Variants in ABCG2 observed in about 807,000 individuals in gnomAD.
The protein encoded by ABCG2 is broad substrate specificity ATP-binding cassette transporter ABCG2.
A neutral mutation model predicts 73.5 loss-of-function variants in ABCG2; 80 were observed. The ratio of observed to expected loss-of-function variants is 1.09; its 90% CI spans 0.91 to 1.31. The LOEUF is 1.31. Among genes scored for constraint, ABCG2 ranks in the 50% most tolerant of loss-of-function variants. The pLI, the probability that ABCG2 is intolerant of heterozygous loss-of-function variation, is 0.00. For missense variants in ABCG2, 796 were observed against 786.2 expected, an observed-to-expected ratio of 1.01 and a Z score of -0.15; for synonymous variants, 269 against 282.4, an observed-to-expected ratio of 0.95 and a Z score of 0.48.
At chr4:88,172,349 T>C (rs894330896) in intron 1 of ABCG2, among the ~76,000 whole-genome samples, 1 of 149,360 alleles carries the variant, frequency 6.7e-6, no homozygotes, top group Non-Finnish European at 1.5e-5. Context: ...CCCAGCACTT[T>C]GGGAGGCGGA....
intron 3 of ABCG2, 105 bp downstream of exon 3, chr4:88,132,471 G>A (rs1029457167): frequency 4.4e-5 from 54 of 1,222,410 alleles, no homozygotes; most frequent in African/African-American, 9.0e-5. Context: ...CCTGACATGC[G>A]TTGCAAATGC....
chr4:88,174,776 T>C (rs1288569136), intron 1 of ABCG2, among the ~76,000 whole-genome samples: 1 of 152,238 alleles, frequency 6.6e-6, no homozygotes, highest in Non-Finnish European at 1.5e-5. Context: ...CAATTGCTTT[T>C]GGTGTTTTTG....
intron 1 of ABCG2, among the ~76,000 whole-genome samples, chr4:88,149,339 T>C (rs146215508): frequency 2.0e-5 from 3 of 152,330 alleles, no homozygotes; most frequent in Non-Finnish European, 2.9e-5. Flanking sequence ...CCAAGTGCAA[T>C]TTACATGCGT....
intron 1 of ABCG2, among the ~76,000 whole-genome samples, chr4:88,200,554 G>A (rs950179216): frequency 3.3e-5 from 5 of 152,000 alleles, no homozygotes; most frequent in Non-Finnish European, 7.4e-5. Context: ...AAAGAAAGGA[G>A]AACATTAATG....
At chr4:88,222,014 G>C (rs1730028265) in intron 1 of ABCG2, among the ~76,000 whole-genome samples, 1 of 152,208 alleles carries the variant, frequency 6.6e-6, no homozygotes, top group African/African-American at 2.4e-5. Context: ...GGAGGGAAAA[G>C]TGGTTTCCTG....
At chr4:88,218,509 T>C (rs1729893877) in intron 1 of ABCG2, among the ~76,000 whole-genome samples, 1 of 152,198 alleles carries the variant, frequency 6.6e-6, no homozygotes, top group Non-Finnish European at 1.5e-5. Flanking sequence ...GAGTAAGTAC[T>C]TTGGTGGTGA....
At chr4:88,206,161 G>C (rs1332754042) in intron 1 of ABCG2, among the ~76,000 whole-genome samples, 2 of 152,032 alleles carry the variant, frequency 1.3e-5, no homozygotes, top group African/African-American at 4.8e-5. Context: ...TCTCCCAACT[G>C]AAAGAATCAA....
intron 6 of ABCG2, 97 bp from the exon 7 acceptor site, chr4:88,118,357 G>T (rs888252882): frequency 1.5e-6 from 2 of 1,319,170 alleles, no homozygotes; most frequent in Non-Finnish European, 1.0e-6. Flanking sequence ...GTTTGCTCTA[G>T]TTCAGCCTGA....
At chr4:88,098,429 T>C (rs1177257461) in intron 12 of ABCG2, among the ~76,000 whole-genome samples, 1 of 151,918 alleles carries the variant, frequency 6.6e-6, no homozygotes, top group Admixed American at 6.6e-5. Flanking sequence ...TCTCCACATC[T>C]ACCAAACAAG....
At chr4:88,148,988 G>A (rs1315515102) in intron 1 of ABCG2, among the ~76,000 whole-genome samples, 1 of 152,194 alleles carries the variant, frequency 6.6e-6, no homozygotes, top group East Asian at 1.9e-4. Context: ...ACCCTACAAG[G>A]CTACTGTTTT....
intron 2 of ABCG2, among the ~76,000 whole-genome samples, chr4:88,133,369 A>G (rs1578212135): frequency 6.6e-6 from 1 of 152,348 alleles, no homozygotes; most frequent in African/African-American, 2.4e-5. Flanking sequence ...CGAAAGAAAA[A>G]AAAAGCCTTA....
intron 1 of ABCG2, among the ~76,000 whole-genome samples, chr4:88,217,074 C>T (rs1729840988): frequency 6.6e-6 from 1 of 151,910 alleles, no homozygotes; most frequent in Non-Finnish European, 1.5e-5. Context: ...TCCCTGCCTG[C>T]AGAGCTTCTA....
At position 88,224,524 on chromosome 4, in the gene ABCG2, C is replaced by G. The variant is rs528327772; in HGVS notation, c.-20+6470G>C. ...TGTTTTTTTTTGAAACAGGGTCTCT[C>G]TCTGTTGCCCAGGCTGGAATGCAGT... is the stretch of plus-strand genomic sequence containing the variant. On this transcript the variant is annotated intron_variant, in intron 1 of 15. Coordinates refer to the ABCG2 transcript ENST00000515655. Among the ~76,000 whole-genome samples the G allele has an allele frequency of 4.0e-4, 61 of 151,642 alleles. 1 individual carries two copies. The South Asian group carries it at 5.6e-3, about 14-fold the overall frequency.
intron 1 of ABCG2, among the ~76,000 whole-genome samples, chr4:88,143,170 T>C (rs376758089): frequency 4.6e-5 from 7 of 152,344 alleles, no homozygotes; most frequent in African/African-American, 1.4e-4. Context: ...TATCAGGAAC[T>C]TGAGCATATG....
At chr4:88,185,772 A>T (rs1251253556) in intron 1 of ABCG2, among the ~76,000 whole-genome samples, 2 of 152,238 alleles carry the variant, frequency 1.3e-5, no homozygotes, top group Non-Finnish European at 2.9e-5. Flanking sequence ...ATCATTAATC[A>T]GAGAAATGCA....
Position 88,131,218 on chromosome 4 carries a change from A to G in ABCG2, c.379-5T>C, listed in dbSNP as rs1462801614. 6.2e-7 allele frequency: 1 copy of G among 1,613,754 alleles called. No homozygotes were observed. The highest frequency in any genetic ancestry group is 8.5e-7 in the Non-Finnish European group (1 of 1,179,822). ...AGTGCCCATCACAACATCATCCTTA[A>G]GGCAAATAGCATTTTAATGAGACAT... On this transcript the variant is annotated splice_region_variant and splice_polypyrimidine_tract_variant and intron_variant, in intron 4 of 15. Transcript: ENST00000237612.
rs1009418897 is a variant in ABCG2 at position 88,137,475 on chromosome 4, T to G, written c.203+2318A>C. ...ACATCAACATGACCAAGTGATCAAT[T>G]TTAACATCACCAGGGGTGGGATGAG... On this transcript the variant is annotated intron_variant, in intron 2 of 15. Transcript: ENST00000237612. 9.2e-5 allele frequency among the ~76,000 whole-genome samples: 14 copies of G among 152,188 alleles called. 1 individual carries two copies. Among genetic ancestry groups the G allele is most frequent in the Admixed American group, 8.5e-4 (13 of 15,278 alleles).
At chr4:88,150,753 G>A (rs1038874831) in intron 1 of ABCG2, among the ~76,000 whole-genome samples, 7 of 152,172 alleles carry the variant, frequency 4.6e-5, no homozygotes, top group African/African-American at 1.7e-4. Flanking sequence ...CATGCACGTT[G>A]GACAAGCTTG....
chr4:88,103,847 T>C (rs1722605716), intron 10 of ABCG2, among the ~76,000 whole-genome samples: 1 of 152,248 alleles, frequency 6.6e-6, no homozygotes, highest in Non-Finnish European at 1.5e-5. Flanking sequence ...GTTTGGCTTA[T>C]TTCACTTGGC....
Sources: gnomAD v4.1 joint callset for allele counts (sites outside exome capture counted in the v4.1 genomes callset) on GRCh38, gnomAD v4.1.1 for gene constraint, MANE v1.5 for transcripts, NCBI Gene and HGNC (gene_info 2026-07-23, HGNC 2026-07-21) for gene names.